The following MYBBP1A variants were observed in gnomAD, a reference collection of about 807,000 sequenced individuals.
MYBBP1A encodes the protein MYB binding protein 1a, also known as myb-binding protein 1A.
Under a neutral mutation model 136.3 loss-of-function variants are expected in MYBBP1A, and 147 were observed. The observed-to-expected ratio is 1.08, with a 90% CI of 0.94 to 1.24. The LOEUF (loss-of-function observed/expected upper bound fraction) is 1.24. Ranked by LOEUF, MYBBP1A falls within the 50% of genes most tolerant of loss-of-function variation. The pLI, the probability that MYBBP1A is intolerant of heterozygous loss-of-function variation, is 0.00. For synonymous variants in MYBBP1A, 947 were observed against 735.8 expected (o/e 1.29, Z -4.65); for missense variants, 2,060 against 1,727.4 (o/e 1.19, Z -3.41).
At chr17:4,541,440 C>G (rs200967935) in intron 24 of MYBBP1A, 23 bp downstream of exon 24, 83 of 1,605,076 alleles carry the variant, frequency 5.2e-5, no homozygotes, top group Non-Finnish European at 7.1e-5. Flanking sequence ...CGAACACGAC[C>G]GCGGACTGGG....
At chr17:4,549,173 G>A (rs1246464681) in intron 10 of MYBBP1A, among the ~76,000 whole-genome samples, 159 bp downstream of exon 10, 1 of 152,304 alleles carries the variant, frequency 6.6e-6, no homozygotes, top group South Asian at 2.1e-4. Flanking sequence ...TTCCCTTCAC[G>A]GGTTCCTGAG....
intron 8 of MYBBP1A, 72 bp from the exon 9 acceptor site, chr17:4,550,425 G>C: frequency 6.6e-7 from 1 of 1,523,034 alleles, no homozygotes; most frequent in Non-Finnish European, 8.8e-7. Context: ...AACAGCCAAG[G>C]GGGCAGGCGG....
chr17:4,550,716 G>A (rs1323533911), intron 8 of MYBBP1A, among the ~76,000 whole-genome samples: 4 of 152,278 alleles, frequency 2.6e-5, no homozygotes, highest in Non-Finnish European at 5.9e-5. Context: ...GGGCAGAGTG[G>A]TAGTTAGGAG....
In MYBBP1A at chr17:4,545,091, C is replaced by T. The variant is rs781485170; in HGVS notation, c.2245G>A (p.Asp749Asn). 5 of 1,590,668 alleles carry T rather than the reference C, an allele frequency of 3.1e-6. No homozygotes were observed. Among genetic ancestry groups the T allele is most frequent in the East Asian group, 2.3e-5 (1 of 43,362 alleles). The change falls in exon 17 of 26, where the codon GAC becomes AAC. Residue 749 changes from aspartate to asparagine, a missense_variant. By Grantham distance (23) the Asp-to-Asn change is conservative. Coordinates refer to ENST00000254718, the MANE Select transcript of MYBBP1A (RefSeq NM_014520.4). ...CGGAAGCCCTGATCCACGTCCCCGT[C>T]GCGCTCCTCCTCCTCGCTCTCCTCC... ...EGEESEEEER[D>N]GDVDQGFREQ...
At chr17:4,543,926 C>T (rs911845978) in intron 19 of MYBBP1A, among the ~76,000 whole-genome samples, 2 of 152,304 alleles carry the variant, frequency 1.3e-5, no homozygotes, top group African/African-American at 4.8e-5. Flanking sequence ...GCCTCTGTGG[C>T]CTCCAGCACC....
rs192522136 is a variant in MYBBP1A, at chr17:4,552,969, G to A, written c.562-343C>T. Among the ~76,000 whole-genome samples the A allele has an allele frequency of 4.9e-4, 74 of 152,142 alleles. No individual in the cohort carries two copies. Among genetic ancestry groups the A allele is most frequent in the African/African-American group, 1.7e-3 (69 of 41,522 alleles). On this transcript the variant is annotated intron_variant, in intron 5 of 25. Transcript: ENST00000254718. The surrounding 1 kb of genome is among the most constrained non-coding windows in gnomAD (Gnocchi z 4.7). ...CTGCCTCAGGTGGGATTAAAGGTGT[G>A]CGCCATCACACCCAGCTAATTTTTG...
Position 4,543,158 on chromosome 17 carries a change from G to T in MYBBP1A, c.2647C>A (p.Leu883Met), listed in dbSNP as rs375427927. ...HKTARIFTHHLCRARRYCHDL... is the reference protein window; with the variant it reads ...HKTARIFTHHMCRARRYCHDL... The stretch of plus-strand genomic sequence containing the variant: ...TGGCAGTAGCGCCGGGCACGGCACA[G>T]GTGGTGCCTGTGGGTGGTGAGGACG... The change falls in exon 20 of 26, where the codon CTG (leucine) becomes ATG (methionine). Residue 883 changes from leucine to methionine, a missense_variant. Coordinates refer to ENST00000254718, the MANE Select transcript of MYBBP1A (RefSeq NM_014520.4). 1,655 of 1,604,884 alleles carry T rather than the reference G, an allele frequency of 1.0e-3. 23 individuals are homozygous for T. In the South Asian group the frequency reaches 0.016, roughly 16 times the overall value.
At chr17:4,553,307 G>C (rs1416198596) in intron 5 of MYBBP1A, among the ~76,000 whole-genome samples, 1 of 152,170 alleles carries the variant, frequency 6.6e-6, no homozygotes, top group Non-Finnish European at 1.5e-5. Context: ...TGACAAAAGG[G>C]CCTAGGGTGC....
At chr17:4,543,891 C>G (rs1906702233) in intron 19 of MYBBP1A, among the ~76,000 whole-genome samples, 1 of 152,016 alleles carries the variant, frequency 6.6e-6, no homozygotes, top group Non-Finnish European at 1.5e-5. Context: ...AGACCCTTCC[C>G]CACGCCACTG....
Position 4,541,890 on chromosome 17 carries a change from G to A in MYBBP1A, c.3089C>T (p.Ala1030Val), listed in dbSNP as rs1238312163. Residue 1030 changes from alanine (A) to valine (V), a missense_variant and splice_region_variant, in exon 23 of 26, where the codon GCC (alanine) becomes GTC (valine). Ala to Val is a moderately conservative substitution (Grantham distance 64). Coordinates refer to ENST00000254718, the MANE Select transcript of MYBBP1A (RefSeq NM_014520.4). ...ITGPVRPRHQ[A>V]CLLLQKTLSM... is the part of the protein sequence containing the mutation. ...CAGGGTCTTCTGGAGCAGCAGGCAG[G>A]CCTGTGGGTGGGCAAAGGTGGGTGG... is the stretch of plus-strand genomic sequence containing the variant. 6.2e-7 allele frequency: 1 copy of A among 1,612,700 alleles called. No individual in the cohort carries two copies. The highest frequency in any genetic ancestry group is 1.7e-5 in the Admixed American group (1 of 60,016).
intron 8 of MYBBP1A, among the ~76,000 whole-genome samples, chr17:4,550,575 C>T (rs938977169): frequency 6.6e-6 from 1 of 152,284 alleles, no homozygotes; most frequent in Non-Finnish European, 1.5e-5. Context: ...ACAGTCCAGT[C>T]ACCCCAGTGC....
intron 17 of MYBBP1A, 21 bp from the exon 18 acceptor site, chr17:4,544,942 G>A (rs377633004): frequency 6.2e-5 from 99 of 1,586,684 alleles, no homozygotes; most frequent in Non-Finnish European, 7.5e-5. Context: ...GAGGCCCAGC[G>A]GTCAGCCAGG....
Position 4,539,023 on chromosome 17 carries a change from C to A in MYBBP1A, c.*392G>T, listed in dbSNP as rs150615002. 1.5e-5 allele frequency: 13 copies of A among 841,764 alleles called. No homozygotes were observed. Among genetic ancestry groups the A allele is most frequent in the Middle Eastern group, 2.2e-4 (1 of 4,558 alleles). 52.1% of individuals were successfully genotyped at this position (841,764 alleles called of 1,614,324 possible). A position where few individuals can be genotyped will look rare whatever the true frequency, so the allele number is the denominator to read the frequency against. On this transcript the variant is annotated 3_prime_UTR_variant, in exon 26 of 26. Coordinates refer to ENST00000254718, the MANE Select transcript of MYBBP1A (RefSeq NM_014520.4). ...TTCCTCTTGTAAATGAAGAAATAAA[C>A]CTATTTAAATCACCCCCTGGTGGCT...
chr17:4,549,997 G>A lies in MYBBP1A; in HGVS notation c.1319+61C>T. 3 of 1,534,102 alleles carry A rather than the reference G, an allele frequency of 2.0e-6. No individual in the cohort carries two copies. The South Asian group carries it at 3.8e-5, about 20-fold the overall frequency. ...TGTGGAGGGCGGGCTTGGGTCGCGG[G>A]GCTCTGCAGGCCTAGGAAGTTAACT... On this transcript the variant is annotated intron_variant, in intron 9 of 25. Transcript: ENST00000254718.
chr17:4,550,728 C>T (rs1156233791), intron 8 of MYBBP1A, among the ~76,000 whole-genome samples: 1 of 152,244 alleles, frequency 6.6e-6, no homozygotes, highest in African/African-American at 2.4e-5. Flanking sequence ...AGTTAGGAGG[C>T]GAGACTGACC....
chr17:4,540,285 T>TGC, intron 25 of MYBBP1A, 63 bp downstream of exon 25: 4 of 1,534,712 alleles, frequency 2.6e-6, no homozygotes, highest in Non-Finnish European at 3.5e-6. Flanking sequence ...TGTGTGTGTG[T>TGC]GCAGCAGCGT....
Position 4,545,359 on chromosome 17 carries a change from CCAGCCACTGACCCATTTG to C in MYBBP1A, c.2074-32_2074-15del. The C allele has an allele frequency of 1.2e-6, 2 of 1,612,796 alleles. No individual in the cohort carries two copies. Among genetic ancestry groups the C allele is most frequent in the Non-Finnish European group, 1.7e-6 (2 of 1,179,784 alleles). ...GGGGTTCAGCACCTGGGGAGGGGTG[CCAGCCACTGACCCATTTG>C]CAGCCCCCGCCCTCCTCTCCAGGCC... On this transcript the variant is annotated splice_polypyrimidine_tract_variant and intron_variant, in intron 15 of 25. Transcript: ENST00000254718.
intron 9 of MYBBP1A, 88 bp downstream of exon 9, chr17:4,549,970 G>A (rs1907356853): frequency 1.3e-5 from 18 of 1,409,548 alleles, no homozygotes; most frequent in South Asian, 1.1e-4. Flanking sequence ...GAGCCAGGAC[G>A]CTGTGGAGGG....
At position 4,539,198 on chromosome 17, in the gene MYBBP1A, G is replaced by A. The variant is rs377303874; in HGVS notation, c.*217C>T. The A allele has an allele frequency of 1.4e-4, 204 of 1,451,826 alleles. 1 individual carries two copies. The African/African-American group carries it at 1.6e-3, about 11-fold the overall frequency. The allele number at this position is 1,451,826 out of a possible 1,614,324, so 89.9% of individuals were successfully genotyped here. A position where few individuals can be genotyped will look rare whatever the true frequency, so the allele number is the denominator to read the frequency against. On this transcript the variant is annotated 3_prime_UTR_variant, in exon 26 of 26. Transcript: ENST00000254718. ...GGAGCCAGGGTCCCAGCCCAGAACC[G>A]GGGGTGGGGAGGTCTCTGCACCCTG...
Sources: gnomAD v4.1 joint callset for allele counts (sites outside exome capture counted in the v4.1 genomes callset) on GRCh38, gnomAD v4.1.1 for gene constraint, Gnocchi (gnomAD v3.1) non-coding constraint, MANE v1.5 for transcripts, NCBI Gene and HGNC (gene_info 2026-07-23, HGNC 2026-07-21) for gene names.